TUSC3: variants seen among roughly 807,000 people sequenced by gnomAD.
TUSC3 encodes tumor suppressor candidate 3.
A neutral mutation model predicts 44.8 loss-of-function variants in TUSC3; 45 were observed. The observed-to-expected ratio is 1.00, with a 90% CI of 0.79 to 1.29. The LOEUF (loss-of-function observed/expected upper bound fraction) is 1.29, where lower values mean the gene tolerates loss of function less well. Ranked by LOEUF, TUSC3 falls within the 50% of genes most tolerant of loss-of-function variation. TUSC3 has a pLI of 0.00. For missense variants in TUSC3, 519 were observed against 437.9 expected (o/e 1.19, Z -1.65); for synonymous variants, 212 against 152.9 (o/e 1.39, Z -2.85).
At chr8:15,421,154 T>TCTTCCTTATAGTTAA (rs111499134) in intron 1 of TUSC3, among the ~76,000 whole-genome samples, 1 of 151,968 alleles carries the variant, frequency 6.6e-6, no homozygotes. Context: ...CCATTCATAT[T>TCTTCCTTATAGTTAA]CTTCCTTATA....
At chr8:15,730,609 T>G (rs553531925) in intron 6 of TUSC3, 57 bp from the exon 7 acceptor site, 110 of 1,560,964 alleles carry the variant, frequency 7.0e-5, no homozygotes, top group South Asian at 6.8e-4. Context: ...GACTTAAAAC[T>G]ACAAAATAAT....
At chr8:15,521,071 A>C (rs1294455502) in intron 2 of TUSC3, among the ~76,000 whole-genome samples, 1 of 152,214 alleles carries the variant, frequency 6.6e-6, no homozygotes, top group Non-Finnish European at 1.5e-5. Flanking sequence ...TGAGTTTATT[A>C]GGACTTACAT....
intron 2 of TUSC3, among the ~76,000 whole-genome samples, chr8:15,521,340 G>A (rs1042574151): frequency 2.0e-5 from 3 of 152,106 alleles, no homozygotes; most frequent in Non-Finnish European, 4.4e-5. Context: ...AACTAACCTG[G>A]TGGGGGACCT....
chr8:15,806,939 T>G, the TUSC3 span: 1 of 1,452,002 alleles, frequency 6.9e-7, no homozygotes, highest in African/African-American at 1.4e-5. Context: ...GTTTCTTCTC[T>G]GACATAACTC....
intron 2 of TUSC3, among the ~76,000 whole-genome samples, chr8:15,485,292 T>C (rs539289610): frequency 6.6e-6 from 1 of 152,224 alleles, no homozygotes; most frequent in Non-Finnish European, 1.5e-5. Context: ...ACCTGTGTTC[T>C]ATTAGAATTT....
the TUSC3 span, among the ~76,000 whole-genome samples, chr8:15,842,486 T>C: frequency 6.6e-6 from 1 of 152,298 alleles, no homozygotes; most frequent in South Asian, 2.1e-4. Flanking sequence ...TAACAAAGGT[T>C]TCTGGATCAG....
the TUSC3 span, among the ~76,000 whole-genome samples, chr8:15,773,571 T>C: frequency 6.6e-6 from 1 of 152,168 alleles, no homozygotes; most frequent in South Asian, 2.1e-4. Flanking sequence ...GTGGCCTTTT[T>C]GCAAAAATAA....
Position 15,429,144 on chromosome 8 carries a change from G to A in TUSC3, n.91+11839G>A, listed in dbSNP as rs556168661. On this transcript the variant is annotated intron_variant and non_coding_transcript_variant, in intron 1 of 5. Coordinates refer to the TUSC3 transcript ENST00000503191. The stretch of plus-strand genomic sequence containing the variant: ...TTTAATCCATGTTGAATTAATTTTT[G>A]TATAAGGTGTAAGGAAGGGATCCAG... Among the ~76,000 whole-genome samples, 194 of 152,180 alleles carry A rather than the reference G, an allele frequency of 1.3e-3. 2 individuals are homozygous for A. Among genetic ancestry groups the A allele is most frequent in the East Asian group, 3.5e-3 (18 of 5,184 alleles).
the TUSC3 span, among the ~76,000 whole-genome samples, chr8:15,801,570 TG>T: frequency 6.6e-6 from 1 of 152,100 alleles, no homozygotes; most frequent in African/African-American, 2.4e-5. Flanking sequence ...TTTTCGTAAA[TG>T]TGATGGCTCA....
intron 1 of TUSC3, among the ~76,000 whole-genome samples, chr8:15,474,145 C>T (rs776926498): frequency 2.0e-4 from 31 of 152,118 alleles, no homozygotes; most frequent in Admixed American, 5.9e-4. Context: ...GCTGTCTGCA[C>T]GAAGAAAAAT....
Position 15,449,418 on chromosome 8 carries a change from C to T in TUSC3, n.91+32113C>T, listed in dbSNP as rs115700915. Among the ~76,000 whole-genome samples, 555 of 152,206 alleles carry T rather than the reference C, an allele frequency of 3.6e-3. 4 individuals carry two copies. Among genetic ancestry groups the T allele is most frequent in the African/African-American group, 0.013 (533 of 41,546 alleles). Reference sequence around the variant, plus strand: ...ACGGAAATGTTAACTGCACATCCTCCATAGAGTGGTCAGAACCACCCCGCC... The same window carrying T: ...ACGGAAATGTTAACTGCACATCCTCTATAGAGTGGTCAGAACCACCCCGCC... On this transcript the variant is annotated intron_variant and non_coding_transcript_variant, in intron 1 of 5. Coordinates refer to the TUSC3 transcript ENST00000503191.
intron 6 of TUSC3, among the ~76,000 whole-genome samples, chr8:15,697,341 T>C (rs1235225035): frequency 6.6e-6 from 1 of 152,238 alleles, no homozygotes; most frequent in Non-Finnish European, 1.5e-5. Context: ...GGTTTGTTCT[T>C]GTTTCTCTAG....
intron 10 of TUSC3, among the ~76,000 whole-genome samples, chr8:15,758,761 AAAT>A (rs2129223537): frequency 6.6e-6 from 1 of 152,164 alleles, no homozygotes; most frequent in African/African-American, 2.4e-5. Context: ...CCTCATTGTT[AAAT>A]GTGGTTAACA....
At chr8:15,457,725 A>G (rs1194606202) in intron 1 of TUSC3, among the ~76,000 whole-genome samples, 2 of 148,856 alleles carry the variant, frequency 1.3e-5, no homozygotes, top group Non-Finnish European at 3.0e-5. Context: ...ATAATCTAAT[A>G]AAATAAAATA....
intron 1 of TUSC3, among the ~76,000 whole-genome samples, chr8:15,418,935 G>C (rs1238537454): frequency 6.6e-6 from 1 of 152,180 alleles, no homozygotes; most frequent in Non-Finnish European, 1.5e-5. Flanking sequence ...GAGCCCTGGA[G>C]GTTGAGGCTG....
the TUSC3 span, among the ~76,000 whole-genome samples, chr8:15,825,636 C>T: frequency 0.17 from 25,712 of 152,032 alleles, 2,327 homozygotes; most frequent in Admixed American, 0.28. Context: ...TGCTCTTATT[C>T]TTAAGGAAAT....
At chr8:15,635,919 T>G (rs1806052486) in intron 2 of TUSC3, among the ~76,000 whole-genome samples, 1 of 152,208 alleles carries the variant, frequency 6.6e-6, no homozygotes, top group Admixed American at 6.5e-5. Context: ...TTAAGTGACC[T>G]CTTGGTGACT....
At chr8:15,581,874 A>C (rs1803363592) in intron 1 of TUSC3, among the ~76,000 whole-genome samples, 1 of 121,072 alleles carries the variant, frequency 8.3e-6, no homozygotes. Flanking sequence ...TTACCTAATC[A>C]AGCCTGGGCA....
chr8:15,613,301 A>G (rs921778537), intron 1 of TUSC3, among the ~76,000 whole-genome samples: 40 of 151,610 alleles, frequency 2.6e-4, no homozygotes, highest in Non-Finnish European at 4.6e-4. Flanking sequence ...GGTAACTCTG[A>G]GATTGAAGGT....
Sources: gnomAD v4.1 joint callset for allele counts (sites outside exome capture counted in the v4.1 genomes callset) on GRCh38, gnomAD v4.1.1 for gene constraint, MANE v1.5 for transcripts, NCBI Gene and HGNC (gene_info 2026-07-23, HGNC 2026-07-21) for gene names.